Variants in UBR2 observed in about 807,000 individuals in gnomAD.
The protein encoded by UBR2 is ubiquitin protein ligase E3 component n-recognin 2.
Under a neutral mutation model 247.9 loss-of-function variants are expected in UBR2, and 92 were observed. The observed-to-expected ratio is 0.37, with a 90% CI of 0.31 to 0.44. The LOEUF (loss-of-function observed/expected upper bound fraction) is 0.44, where lower values mean the gene tolerates loss of function less well. UBR2 is among the 20% of genes least tolerant of loss of function. The probability of loss-of-function intolerance (pLI) is 1.00; values close to 1 mark genes in which losing one functional copy is unlikely to be tolerated. For synonymous variants in UBR2, 672 were observed against 693.5 expected (o/e 0.97, Z 0.49); for missense variants, 1,613 against 2,112.6 (o/e 0.76, Z 4.64).
intron 28 of UBR2, 148 bp downstream of exon 28, chr6:42,658,468 A>AT: frequency 1.8e-6 from 2 of 1,121,810 alleles, no homozygotes; most frequent in Non-Finnish European, 2.5e-6. Context: ...TGTTGTAGCA[A>AT]TTTTTTGTCT....
Position 42,637,200 on chromosome 6 carries a change from G to A in UBR2, c.1858+6G>A, listed in dbSNP as rs769541206. 2 of 1,605,838 alleles carry A rather than the reference G, an allele frequency of 1.2e-6. No individual in the cohort carries two copies. The highest frequency in any genetic ancestry group is 8.5e-7 in the Non-Finnish European group (1 of 1,174,820). ...AGTTTCTCGCTTACTTGCAGGTAAA[G>A]CATTTCCCCTAAAATAAAACCCTAA... On this transcript the variant is annotated splice_donor_region_variant and intron_variant, in intron 15 of 46. Transcript: ENST00000372901.
Position 42,632,623 on chromosome 6 carries a change from T to C in UBR2, c.1353T>C (p.His451=). ...AGACTTTTATGGATCATTTGAGACA[T>C]CGAGATGCCCAGGGCAGATTTCAGT... ...IIKTFMDHLR[H]RDAQGRFQFE... is the part of the protein sequence containing the mutation. The change falls in exon 12 of 47, where the codon CAT becomes CAC. Residue 451 remains histidine (H), a synonymous_variant. Coordinates refer to ENST00000372901, the MANE Select transcript of UBR2 (RefSeq NM_001363705.2). 6.2e-7 allele frequency: 1 copy of C among 1,613,798 alleles called. No homozygotes were observed. The highest frequency in any genetic ancestry group is 8.5e-7 in the Non-Finnish European group (1 of 1,179,894).
At chr6:42,611,801 G>T (rs1269246166) in intron 7 of UBR2, among the ~76,000 whole-genome samples, 5 of 151,848 alleles carry the variant, frequency 3.3e-5, no homozygotes, top group Admixed American at 3.3e-4. Context: ...AGCTCCTTGG[G>T]AGGCTGAGGG....
chr6:42,582,519 A>C, intron 2 of UBR2, among the ~76,000 whole-genome samples: 1 of 152,294 alleles, frequency 6.6e-6, no homozygotes, highest in African/African-American at 2.4e-5. Flanking sequence ...GTTGAACTTA[A>C]TAAAAACTGC....
At chr6:42,669,982 T>G in intron 34 of UBR2, 110 bp from the exon 35 acceptor site, 1 of 1,278,900 alleles carries the variant, frequency 7.8e-7, no homozygotes, top group Non-Finnish European at 1.1e-6. Context: ...TATCTCTGGA[T>G]ATATGTTAAG....
chr6:42,580,893 A>G (rs927537068), intron 2 of UBR2, among the ~76,000 whole-genome samples: 1 of 152,138 alleles, frequency 6.6e-6, no homozygotes, highest in Non-Finnish European at 1.5e-5. Context: ...TGTATTGTGA[A>G]GATAGAGAAC....
At chr6:42,679,634 C>T in intron 41 of UBR2, 90 bp from the exon 42 acceptor site, 3 of 949,740 alleles carry the variant, frequency 3.2e-6, no homozygotes, top group Non-Finnish European at 4.8e-6. Flanking sequence ...GTCTTTCATC[C>T]TTTTTTTTTA....
At chr6:42,641,001 T>G (rs1796413291) in intron 16 of UBR2, among the ~76,000 whole-genome samples, 1 of 151,974 alleles carries the variant, frequency 6.6e-6, no homozygotes, top group African/African-American at 2.4e-5. Context: ...AGTGCTGAGA[T>G]TACAGGTGCG....
chr6:42,564,469 G>A (rs924161795), intron 1 of UBR2, 72 bp downstream of exon 1: 4 of 1,531,768 alleles, frequency 2.6e-6, no homozygotes, highest in Non-Finnish European at 3.5e-6. Context: ...CCGACTCCTG[G>A]ACGTCCTGGA....
At chr6:42,630,832 G>C (rs1167572522) in intron 11 of UBR2, among the ~76,000 whole-genome samples, 4 of 151,786 alleles carry the variant, frequency 2.6e-5, no homozygotes, top group Non-Finnish European at 4.4e-5. Context: ...TTGTTTTTAA[G>C]ACAGGGTCTC....
intron 11 of UBR2, among the ~76,000 whole-genome samples, chr6:42,626,066 A>G (rs1049008715): frequency 6.6e-6 from 1 of 151,908 alleles, no homozygotes; most frequent in African/African-American, 2.4e-5. Context: ...TGCCTGCCTC[A>G]GCCTCCCAAA....
In UBR2 at chr6:42,573,715, C is replaced by T; in HGVS notation, c.79-19C>T. Reference sequence around the variant, plus strand: ...TTGTTGGTGTTTAAAACCATTTCTTCTCTTTTCTTCTTTTAAAGAAATGGC... The same window carrying T: ...TTGTTGGTGTTTAAAACCATTTCTTTTCTTTTCTTCTTTTAAAGAAATGGC... On this transcript the variant is annotated intron_variant, in intron 1 of 46. Transcript: ENST00000372901. 2.0e-6 allele frequency: 3 copies of T among 1,488,160 alleles called. No homozygotes were observed. Among genetic ancestry groups the T allele is most frequent in the Non-Finnish European group, 1.8e-6 (2 of 1,115,172 alleles). 92.2% of individuals were successfully genotyped at this position (1,488,160 alleles called of 1,614,324 possible).
chr6:42,589,027 C>T (rs898685644), intron 2 of UBR2, among the ~76,000 whole-genome samples: 1 of 152,106 alleles, frequency 6.6e-6, no homozygotes, highest in Non-Finnish European at 1.5e-5. Context: ...GTTATCCAGG[C>T]TGGAGTGCAG....
At chr6:42,574,696 C>CT (rs11305288) in intron 2 of UBR2, among the ~76,000 whole-genome samples, 70 of 135,946 alleles carry the variant, frequency 5.1e-4, no homozygotes, top group East Asian at 1.1e-3. Context: ...AGAAATTTTC[C>CT]TTTTTTTTTT....
intron 15 of UBR2, among the ~76,000 whole-genome samples, chr6:42,639,883 C>A (rs1796316993): frequency 6.6e-6 from 1 of 152,058 alleles, no homozygotes; most frequent in Non-Finnish European, 1.5e-5. Context: ...CTTTTATTAG[C>A]CGGGTGTGGT....
At chr6:42,608,805 T>C (rs1230155557) in intron 7 of UBR2, among the ~76,000 whole-genome samples, 1 of 152,208 alleles carries the variant, frequency 6.6e-6, no homozygotes, top group Non-Finnish European at 1.5e-5. Flanking sequence ...ATTTTTTCTG[T>C]TGGATTGTCT....
At position 42,632,568 on chromosome 6, in the gene UBR2, C is replaced by T. The variant is rs369485599; in HGVS notation, c.1298C>T (p.Thr433Ile). The T allele has an allele frequency of 5.6e-6, 9 of 1,606,938 alleles. No homozygotes were observed. The African/African-American group carries it at 1.2e-4, about 22-fold the overall frequency. Reference protein sequence around the residue: ...TVPSLARMLITEENLMSIIIK... With the variant: ...TVPSLARMLIIEENLMSIIIK... Reference sequence around the variant, plus strand: ...TGTTTTTAGGCTCGAATGCTCATCACAGAAGAAAACTTAATGAGCATTATC... The same window carrying T: ...TGTTTTTAGGCTCGAATGCTCATCATAGAAGAAAACTTAATGAGCATTATC... Residue 433 changes from threonine (T) to isoleucine (I), a missense_variant, in exon 12 of 47, where the codon ACA becomes ATA. Coordinates refer to ENST00000372901, the MANE Select transcript of UBR2 (RefSeq NM_001363705.2).
intron 1 of UBR2, among the ~76,000 whole-genome samples, chr6:42,567,858 T>C (rs1017299937): frequency 6.6e-6 from 1 of 151,670 alleles, no homozygotes; most frequent in Non-Finnish European, 1.5e-5. Flanking sequence ...CAACATTAGC[T>C]ATACCCTGTC....
chr6:42,577,807 A>G (rs2151906346), intron 2 of UBR2, among the ~76,000 whole-genome samples: 1 of 150,520 alleles, frequency 6.6e-6, no homozygotes, highest in Admixed American at 6.6e-5. Context: ...AGAAATTGGC[A>G]TTGGGGGCGG....
Sources: allele counts gnomAD v4.1 joint callset (sites outside exome capture counted in the v4.1 genomes callset), GRCh38; gene constraint gnomAD v4.1.1; transcripts MANE v1.5; gene names NCBI Gene and HGNC (gene_info 2026-07-23, HGNC 2026-07-21).